Variants in DOCK10 observed in about 807,000 individuals in gnomAD.
DOCK10 encodes dedicator of cytokinesis 10.
Under a neutral mutation model 280.1 loss-of-function variants are expected in DOCK10, and 145 were observed. The observed-to-expected ratio is 0.52, with a 90% CI of 0.45 to 0.59. The LOEUF (loss-of-function observed/expected upper bound fraction) is 0.59. Ranked by LOEUF, DOCK10 falls within the 20% of genes least tolerant of loss-of-function variation. The pLI, the probability that DOCK10 is intolerant of heterozygous loss-of-function variation, is 0.00. For missense variants in DOCK10, 2,368 were observed against 2,651.7 expected (o/e 0.89, Z 2.35); for synonymous variants, 915 against 942.2 (o/e 0.97, Z 0.53).
chr2:224,855,055 A>C lies in DOCK10; in HGVS notation c.1809-13T>G, dbSNP rs775434333. On this transcript the variant is annotated splice_polypyrimidine_tract_variant and intron_variant, in intron 15 of 55. Coordinates refer to ENST00000258390, the MANE Select transcript of DOCK10 (RefSeq NM_014689.3). The stretch of plus-strand genomic sequence containing the variant: ...TATTCTGTCGGCCCTGTAAGAGTGC[A>C]TGAGCAAGGACACACACACACACAC... 4 of 1,323,122 alleles carry C rather than the reference A, an allele frequency of 3.0e-6. No homozygotes were observed. Among genetic ancestry groups the C allele is most frequent in the Non-Finnish European group, 4.2e-6 (4 of 949,378 alleles). The allele number at this position is 1,323,122 out of a possible 1,614,324, so 82.0% of individuals were successfully genotyped here.
intron 1 of DOCK10, among the ~76,000 whole-genome samples, chr2:224,943,717 T>C (rs1703223634): frequency 6.6e-6 from 1 of 152,072 alleles, no homozygotes; most frequent in Non-Finnish European, 1.5e-5. Context: ...GAATAGGCTC[T>C]GAAGCCAGTC....
At chr2:224,992,863 T>C (rs1476089090) in intron 1 of DOCK10, among the ~76,000 whole-genome samples, 1 of 152,228 alleles carries the variant, frequency 6.6e-6, no homozygotes, top group Non-Finnish European at 1.5e-5. Flanking sequence ...TAGGATTCTA[T>C]AGCTTTATCT....
intron 48 of DOCK10, among the ~76,000 whole-genome samples, chr2:224,787,930 T>C (rs1691847000): frequency 6.6e-6 from 1 of 152,022 alleles, no homozygotes; most frequent in African/African-American, 2.4e-5. Context: ...CATATACCAC[T>C]CCATTATTAG....
At chr2:224,912,952 G>A (rs574318862) in intron 3 of DOCK10, among the ~76,000 whole-genome samples, 114 of 152,268 alleles carry the variant, frequency 7.5e-4, no homozygotes, top group African/African-American at 2.6e-3. Context: ...CTTGAGCCCA[G>A]GAGGTGGGGG....
intron 3 of DOCK10, among the ~76,000 whole-genome samples, chr2:224,905,328 A>T (rs1288443887): frequency 1.4e-5 from 2 of 147,004 alleles, no homozygotes; most frequent in Non-Finnish European, 2.9e-5. Context: ...GCTCACTGCA[A>T]GCTCCGCTTC....
At chr2:225,018,578 T>A (rs1351598833) in intron 1 of DOCK10, among the ~76,000 whole-genome samples, 1 of 26,648 alleles carries the variant, frequency 3.8e-5, no homozygotes, top group African/African-American at 1.0e-4. Flanking sequence ...TATATATATA[T>A]AATATATATG....
At chr2:224,793,518 T>A (rs1007299995) in intron 45 of DOCK10, 61 bp from the exon 46 acceptor site, 1 of 1,349,300 alleles carries the variant, frequency 7.4e-7, no homozygotes, top group Non-Finnish European at 1.1e-6. Flanking sequence ...TTAGGGCTAA[T>A]CTTCCAAGGC....
At chr2:224,924,238 G>T (rs975428893) in intron 2 of DOCK10, among the ~76,000 whole-genome samples, 5 of 152,080 alleles carry the variant, frequency 3.3e-5, no homozygotes, top group African/African-American at 1.2e-4. Context: ...TCCTTTAAAA[G>T]TATAGAATTG....
chr2:224,943,724 A>C (rs575181651), intron 1 of DOCK10, among the ~76,000 whole-genome samples: 26 of 150,438 alleles, frequency 1.7e-4, no homozygotes, highest in Non-Finnish European at 3.8e-4. Context: ...CTCTGAAGCC[A>C]GTCTAGGGAT....
chr2:224,824,415 C>T (rs1012637596), intron 27 of DOCK10, among the ~76,000 whole-genome samples: 3 of 146,832 alleles, frequency 2.0e-5, no homozygotes, highest in African/African-American at 7.7e-5. Context: ...CGAGTTCTTC[C>T]ATCTCAGACT....
At chr2:224,979,886 C>A (rs149367422) in intron 1 of DOCK10, among the ~76,000 whole-genome samples, 1 of 152,068 alleles carries the variant, frequency 6.6e-6, no homozygotes, top group South Asian at 2.1e-4. Flanking sequence ...AAACAGCATG[C>A]CCAAGGTCAC....
intron 25 of DOCK10, among the ~76,000 whole-genome samples, chr2:224,837,132 G>T (rs975954460): frequency 6.6e-6 from 1 of 152,130 alleles, no homozygotes; most frequent in African/African-American, 2.4e-5. Context: ...TGACATTTAG[G>T]TGGGAACTAT....
chr2:224,785,344 C>T (rs898480958), intron 50 of DOCK10, among the ~76,000 whole-genome samples: 3 of 150,594 alleles, frequency 2.0e-5, no homozygotes, highest in Non-Finnish European at 2.9e-5. Flanking sequence ...TCAGACCATT[C>T]GTTTCTCTGT....
intron 30 of DOCK10, among the ~76,000 whole-genome samples, chr2:224,816,335 T>C (rs1408532052): frequency 6.6e-6 from 1 of 151,826 alleles, no homozygotes; most frequent in East Asian, 1.9e-4. Flanking sequence ...TTCAAATTAT[T>C]TGATTAACAA....
intron 1 of DOCK10, among the ~76,000 whole-genome samples, chr2:224,933,053 T>C (rs1182409318): frequency 6.6e-6 from 1 of 152,204 alleles, no homozygotes; most frequent in African/African-American, 2.4e-5. Flanking sequence ...TAGAAGGTCC[T>C]TCCAGAAAGA....
In DOCK10 at chr2:224,814,670, C is replaced by T. The variant is rs184517502; in HGVS notation, c.3365-306G>A. 9.7e-3 allele frequency among the ~76,000 whole-genome samples: 1,477 copies of T among 152,052 alleles called. 11 individuals carry two copies. Among genetic ancestry groups the T allele is most frequent in the Admixed American group, 0.012 (189 of 15,276 alleles). ...CCAAGTAGCTGGGATTACAGGTGCC[C>T]GCCACTGCACCTGGCTGATTTTTGT... On this transcript the variant is annotated intron_variant, in intron 30 of 55. Transcript: ENST00000258390.
chr2:224,771,917 C>CTT (rs35364268), intron 53 of DOCK10, among the ~76,000 whole-genome samples: 1 of 141,380 alleles, frequency 7.1e-6, no homozygotes, highest in South Asian at 2.2e-4. Flanking sequence ...TTTTCTTTGG[C>CTT]TTTTTTTTTT....
intron 1 of DOCK10, among the ~76,000 whole-genome samples, chr2:225,023,674 C>T (rs1431883638): frequency 6.6e-6 from 1 of 152,094 alleles, no homozygotes; most frequent in East Asian, 1.9e-4. Context: ...CAGGGCTCCC[C>T]TAGAAAAGTC....
chr2:224,979,268 G>A (rs1440771390), intron 1 of DOCK10, among the ~76,000 whole-genome samples: 5 of 152,152 alleles, frequency 3.3e-5, no homozygotes, highest in South Asian at 2.1e-4. Context: ...ACCTTACACC[G>A]GTAGGTACTG....
Sources: gnomAD v4.1 joint callset for allele counts (sites outside exome capture counted in the v4.1 genomes callset) on GRCh38, gnomAD v4.1.1 for gene constraint, MANE v1.5 for transcripts, NCBI Gene and HGNC (gene_info 2026-07-23, HGNC 2026-07-21) for gene names.